The following PLEKHA6 variants were observed in gnomAD, a reference collection of about 807,000 sequenced individuals.
The protein encoded by PLEKHA6 is pleckstrin homology domain containing A6.
A neutral mutation model predicts 116.7 loss-of-function variants in PLEKHA6; 60 were observed. That is an observed-to-expected ratio of 0.51 (90% CI 0.42 to 0.64). PLEKHA6 has a LOEUF of 0.64. Ranked by LOEUF, PLEKHA6 falls within the 30% of genes least tolerant of loss-of-function variation. The probability of loss-of-function intolerance (pLI) is 0.00; values close to 1 mark genes in which losing one functional copy is unlikely to be tolerated. For missense variants in PLEKHA6, 1,338 were observed against 1,422.7 expected (o/e 0.94, Z 0.96); for synonymous variants, 489 against 556.1 (o/e 0.88, Z 1.70).
upstream of PLEKHA6, among the ~76,000 whole-genome samples, chr1:204,364,042 G>A (rs184438056): frequency 5.2e-3 from 788 of 152,222 alleles, 4 homozygotes; most frequent in South Asian, 9.8e-3. Context: ...AGAGCTTTTT[G>A]ACACACAATT....
At chr1:204,230,092 A>G (rs565438807) in intron 18 of PLEKHA6, among the ~76,000 whole-genome samples, 1 of 152,368 alleles carries the variant, frequency 6.6e-6, no homozygotes, top group African/African-American at 2.4e-5. Flanking sequence ...TGCTCCAGAA[A>G]TGGGTGTAAG....
At position 204,257,999 on chromosome 1, in the gene PLEKHA6, C is replaced by T. The variant is rs1345970125; in HGVS notation, c.1008-130G>A. The T allele has an allele frequency of 3.9e-6, 3 of 766,710 alleles. No homozygotes were observed. Among genetic ancestry groups the T allele is most frequent in the Non-Finnish European group, 6.3e-6 (3 of 478,682 alleles). 47.5% of individuals were successfully genotyped at this position (766,710 alleles called of 1,614,324 possible). On this transcript the variant is annotated intron_variant, in intron 8 of 22. Transcript: ENST00000272203. The surrounding 1 kb of genome is among the most constrained non-coding windows in gnomAD (Gnocchi z 6.5). The stretch of plus-strand genomic sequence containing the variant: ...AGGTACACAGGGGCTGAGGTTTATT[C>T]CAGAGATGAGGGAAAGACTCCTGTC...
At chr1:204,243,120 C>T (rs1663083262) in intron 15 of PLEKHA6, 2 of 399,326 alleles carry the variant, frequency 5.0e-6, no homozygotes, top group Non-Finnish European at 8.8e-6. Context: ...GTACCTGCCC[C>T]CTGGCTGTCT....
At chr1:204,297,158 C>T (rs546058251) in intron 1 of PLEKHA6, 1 of 980,994 alleles carries the variant, frequency 1.0e-6, no homozygotes, top group African/African-American at 1.7e-5. Context: ...ACTAACATAT[C>T]CTTCTTCCTA....
At chr1:204,247,149 A>T (rs916680281) in intron 13 of PLEKHA6, among the ~76,000 whole-genome samples, 5 of 152,166 alleles carry the variant, frequency 3.3e-5, no homozygotes, top group Admixed American at 6.5e-5. Flanking sequence ...GAGGAAAAAA[A>T]ATCCTTTCAG....
intron 3 of PLEKHA6, among the ~76,000 whole-genome samples, chr1:204,270,839 C>T (rs1667372542): frequency 6.6e-6 from 1 of 152,238 alleles, no homozygotes; most frequent in South Asian, 2.1e-4. Context: ...TGCCCCTTCA[C>T]CAGACAGGCC....
At chr1:204,322,890 G>A (rs951647856) in intron 1 of PLEKHA6, among the ~76,000 whole-genome samples, 11 of 152,278 alleles carry the variant, frequency 7.2e-5, no homozygotes, top group South Asian at 2.1e-4. Flanking sequence ...GTCCCATGGC[G>A]TATCATTCTG....
intron 1 of PLEKHA6, among the ~76,000 whole-genome samples, chr1:204,321,784 A>G (rs1672071513): frequency 6.6e-6 from 1 of 152,060 alleles, no homozygotes; most frequent in African/African-American, 2.4e-5. Context: ...TTCAACAAGC[A>G]TTTAATAAAT....
rs1319868694 is a variant in PLEKHA6 at position 204,223,098 on chromosome 1, C to G, written c.*9-319G>C. On this transcript the variant is annotated intron_variant, in intron 22 of 22. Transcript: ENST00000272203. The surrounding 1 kb of genome is among the most constrained non-coding windows in gnomAD (Gnocchi z 4.8). Reference sequence around the variant, plus strand: ...TTCTGAAGGTTCTGCATCTGTGTATCTCAACAGATGGAAAGCTTGTCAGCA... The same window carrying G: ...TTCTGAAGGTTCTGCATCTGTGTATGTCAACAGATGGAAAGCTTGTCAGCA... Among the ~76,000 whole-genome samples, 1 of 152,138 alleles carries G rather than the reference C, an allele frequency of 6.6e-6. No homozygotes were observed. The highest frequency in any genetic ancestry group is 2.4e-5 in the African/African-American group (1 of 41,412).
chr1:204,311,815 C>A, intron 1 of PLEKHA6: 1 of 300,748 alleles, frequency 3.3e-6, no homozygotes, highest in Non-Finnish European at 4.9e-6. Context: ...ACTTCACAAT[C>A]ACCCATGGCC....
At chr1:204,294,469 C>T (rs1415003111) in intron 1 of PLEKHA6, among the ~76,000 whole-genome samples, 2 of 152,226 alleles carry the variant, frequency 1.3e-5, no homozygotes, top group East Asian at 3.8e-4. Context: ...TAGCCCAAGG[C>T]TACACAGTTA....
chr1:204,221,087 AGG>A lies in PLEKHA6; in HGVS notation c.*1699_*1700del, dbSNP rs1337017709. 6.6e-6 allele frequency: 1 copy of A among 152,482 alleles called. No homozygotes were observed. Among genetic ancestry groups the A allele is most frequent in the East Asian group, 1.9e-4 (1 of 5,198 alleles). The allele number at this position is 152,482 out of a possible 1,614,324, so 9.4% of individuals were successfully genotyped here. On this transcript the variant is annotated 3_prime_UTR_variant, in exon 23 of 23. Transcript: ENST00000272203. ...ACTGTGAAGATGGGAAATACAGCCA[AGG>A]GTCACGTTTAAAAAACCTGCTAGAA...
intron 1 of PLEKHA6, among the ~76,000 whole-genome samples, chr1:204,310,483 G>T (rs1671617055): frequency 6.6e-6 from 1 of 152,076 alleles, no homozygotes; most frequent in African/African-American, 2.4e-5. Context: ...GCCTACTACT[G>T]GCCATCTCTT....
At chr1:204,317,364 C>G (rs2103206028) in intron 1 of PLEKHA6, 1 of 186,260 alleles carries the variant, frequency 5.4e-6, no homozygotes, top group East Asian at 1.9e-4. Context: ...AGCCAGGCCT[C>G]TTCGGAGAGT....
chr1:204,280,678 A>C (rs1668506002), intron 1 of PLEKHA6, among the ~76,000 whole-genome samples: 1 of 152,298 alleles, frequency 6.6e-6, no homozygotes. Context: ...GAGACTGTCC[A>C]TGCTCCAGAG....
rs762871642 is a variant in PLEKHA6 at position 204,257,543 on chromosome 1, C to T, written c.1334G>A (p.Arg445His). The change falls in exon 9 of 23, where the codon CGC becomes CAC. Residue 445 changes from arginine (R) to histidine (H), a missense_variant. Coordinates refer to ENST00000272203, the MANE Select transcript of PLEKHA6 (RefSeq NM_014935.5). The surrounding 1 kb of genome is among the most constrained non-coding windows in gnomAD (Gnocchi z 6.5). ...GGAGCGGGGCTGCAGGGACAGGCGGCGCAGGGAGCTAGAGGCGGCATCCAG... is the reference window on the plus strand; with the variant it reads ...GGAGCGGGGCTGCAGGGACAGGCGGTGCAGGGAGCTAGAGGCGGCATCCAG... ...DELDAASSSL[R>H]RLSLQPRSHS... 2.1e-5 allele frequency: 33 copies of T among 1,595,196 alleles called. No individual in the cohort carries two copies. Among genetic ancestry groups the T allele is most frequent in the East Asian group, 4.5e-5 (2 of 44,180 alleles).
intron 18 of PLEKHA6, 84 bp from the exon 19 acceptor site, chr1:204,229,188 TC>T: frequency 1.5e-6 from 2 of 1,372,848 alleles, no homozygotes; most frequent in Middle Eastern, 2.5e-4. Context: ...CGCTTTCCCT[TC>T]CCAGCTCGCC....
At chr1:204,373,874 C>G (rs995174598) in intron 1 of PLEKHA6, among the ~76,000 whole-genome samples, 2 of 152,174 alleles carry the variant, frequency 1.3e-5, no homozygotes, top group Non-Finnish European at 2.9e-5. Context: ...GAAGAAGACT[C>G]TAACATACTG....
At chr1:204,306,430 A>G (rs1244203099) in intron 1 of PLEKHA6, among the ~76,000 whole-genome samples, 8 of 152,010 alleles carry the variant, frequency 5.3e-5, no homozygotes, top group African/African-American at 1.9e-4. Context: ...TGTCTCGCCC[A>G]AATTTCTGCT....
Sources: gnomAD v4.1 joint callset for allele counts (sites outside exome capture counted in the v4.1 genomes callset) on GRCh38, gnomAD v4.1.1 for gene constraint, Gnocchi (gnomAD v3.1) non-coding constraint, MANE v1.5 for transcripts, NCBI Gene and HGNC (gene_info 2026-07-23, HGNC 2026-07-21) for gene names.